POR: variants seen among roughly 807,000 people sequenced by gnomAD.
POR encodes NADPH--cytochrome P450 reductase.
In POR, 56 loss-of-function variants were observed where a neutral mutation model predicts 84.0. The ratio of observed to expected loss-of-function variants is 0.67; its 90% CI spans 0.54 to 0.83. POR has a LOEUF of 0.83. Ranked by LOEUF, POR falls within the 40% of genes least tolerant of loss-of-function variation. The pLI is 0.00. For missense variants in POR, 938 were observed against 944.3 expected (o/e 0.99, Z 0.09); for synonymous variants, 414 against 400.5 (o/e 1.03, Z -0.40).
At chr7:75,919,378 C>CGTGTGTGTGTGTGTGTGTGT (rs1458787395) in intron 1 of POR, among the ~76,000 whole-genome samples, 2 of 136,180 alleles carry the variant, frequency 1.5e-5, no homozygotes, top group African/African-American at 6.7e-5. Context: ...TGCATCTGTG[C>CGTGTGTGTGTGTGTGTGTGT]GTGCGTGTGT....
At chr7:75,927,641 G>A (rs1348786987) in intron 1 of POR, among the ~76,000 whole-genome samples, 1 of 151,206 alleles carries the variant, frequency 6.6e-6, no homozygotes, top group East Asian at 1.9e-4. Context: ...TTAAAATGAT[G>A]AATTTTATGG....
intron 1 of POR, among the ~76,000 whole-genome samples, chr7:75,917,261 G>A (rs1806615083): frequency 6.6e-6 from 1 of 151,792 alleles, no homozygotes; most frequent in Admixed American, 6.6e-5. Context: ...TAGAGATTTG[G>A]TTTGCCATGT....
intron 3 of POR, among the ~76,000 whole-genome samples, chr7:75,977,737 C>G (rs1453505528): frequency 6.6e-6 from 1 of 152,124 alleles, no homozygotes; most frequent in African/African-American, 2.4e-5. Context: ...GAGATCGTGC[C>G]ATTACACTCC....
intron 1 of POR, among the ~76,000 whole-genome samples, chr7:75,938,782 C>G (rs188268643): frequency 6.6e-6 from 1 of 152,162 alleles, no homozygotes; most frequent in Non-Finnish European, 1.5e-5. Context: ...ATCTCTTATT[C>G]GCCATCTATG....
intron 2 of POR, among the ~76,000 whole-genome samples, chr7:75,961,772 G>C (rs533223295): frequency 1.3e-3 from 191 of 152,306 alleles, no homozygotes; most frequent in Middle Eastern, 3.4e-3. Context: ...CCAGCACTTC[G>C]GGAGGCTGAG....
chr7:75,966,978 G>T (rs1440856123), intron 2 of POR, among the ~76,000 whole-genome samples: 1 of 151,994 alleles, frequency 6.6e-6, no homozygotes, highest in East Asian at 1.9e-4. Flanking sequence ...GGTTTTGTTT[G>T]TTTTTTCTTG....
At chr7:75,961,812 G>A (rs1246864085) in intron 2 of POR, among the ~76,000 whole-genome samples, 7 of 152,140 alleles carry the variant, frequency 4.6e-5, no homozygotes, top group African/African-American at 1.2e-4. Context: ...CCAAGTGTTC[G>A]AGATCAGCCT....
chr7:75,962,351 G>T (rs1052887981), intron 2 of POR, among the ~76,000 whole-genome samples: 1 of 151,978 alleles, frequency 6.6e-6, no homozygotes, highest in Admixed American at 6.6e-5. Context: ...TGGAGTGCAG[G>T]GGTGTGATCA....
chr7:75,983,271 G>A (rs964137394), intron 8 of POR: 1 of 424,140 alleles, frequency 2.4e-6, no homozygotes, highest in Non-Finnish European at 4.2e-6. Flanking sequence ...AACCTGGGAG[G>A]CAGAGGTTGC....
chr7:75,983,716 C>T (rs782650331), intron 9 of POR, 22 bp from the exon 10 acceptor site: 38 of 1,610,210 alleles, frequency 2.4e-5, no homozygotes, highest in South Asian at 8.8e-5. Flanking sequence ...CCGCCCCTCC[C>T]GAGCCTCACA....
At chr7:75,965,179 C>T (rs1788124963) in intron 2 of POR, among the ~76,000 whole-genome samples, 1 of 152,140 alleles carries the variant, frequency 6.6e-6, no homozygotes, top group Admixed American at 6.5e-5. Flanking sequence ...GGAAGATGGG[C>T]CAGGAGGCTG....
At chr7:75,964,854 G>A (rs782661064) in intron 2 of POR, among the ~76,000 whole-genome samples, 2 of 151,780 alleles carry the variant, frequency 1.3e-5, no homozygotes, top group Non-Finnish European at 1.5e-5. Flanking sequence ...GCAAGACATC[G>A]ACTCTACAAA....
At position 75,953,976 on chromosome 7, in the gene POR, T is replaced by G. The variant is rs1554553301; in HGVS notation, c.-4-13T>G. 1.3e-6 allele frequency: 2 copies of G among 1,559,974 alleles called. No individual in the cohort carries two copies. Among genetic ancestry groups the G allele is most frequent in the Non-Finnish European group, 1.7e-6 (2 of 1,149,362 alleles). On this transcript the variant is annotated splice_polypyrimidine_tract_variant and intron_variant, in intron 1 of 15. Coordinates refer to ENST00000461988, the MANE Select transcript of POR (RefSeq NM_000941.3). ...ACCCTCTGCTGACATCTGCTGTTTC[T>G]GTCTCCTAACAGTTTCATGATCAAC...
Position 75,983,574 on chromosome 7 carries a change from G to C in POR, c.885G>C (p.Leu295=), listed in dbSNP as rs1554558458. The C allele has an allele frequency of 1.2e-6, 2 of 1,613,136 alleles. No homozygotes were observed. Among genetic ancestry groups the C allele is most frequent in the South Asian group, 1.1e-5 (1 of 91,084 alleles). ...CTGCAGTCACCACCAACCGGAAGCTGAACCAGGGAACCGAGCGCCACCTCA... is the reference window on the plus strand; with the variant it reads ...CTGCAGTCACCACCAACCGGAAGCTCAACCAGGGAACCGAGCGCCACCTCA... The change falls in exon 9 of 16, where the codon CTG becomes CTC. Residue 295 remains leucine, a synonymous_variant. Coordinates refer to ENST00000461988, the MANE Select transcript of POR (RefSeq NM_000941.3).
At chr7:75,941,557 G>A (rs1807980830) in intron 1 of POR, among the ~76,000 whole-genome samples, 1 of 152,102 alleles carries the variant, frequency 6.6e-6, no homozygotes, top group African/African-American at 2.4e-5. Flanking sequence ...TCTAGAGTAG[G>A]CGCTAATAAC....
intron 3 of POR, 76 bp downstream of exon 3, chr7:75,972,537 G>A (rs1394397354): frequency 1.2e-5 from 16 of 1,380,486 alleles, no homozygotes; most frequent in Non-Finnish European, 1.5e-5. Flanking sequence ...CTAGCAGACG[G>A]CTGGCGTCAC....
intron 8 of POR, 30 bp from the exon 9 acceptor site, chr7:75,983,490 G>C (rs372585710): frequency 6.6e-7 from 1 of 1,520,526 alleles, no homozygotes; most frequent in Non-Finnish European, 9.1e-7. Context: ...AGCCCCGGCC[G>C]CTCACTGTGC....
intron 1 of POR, among the ~76,000 whole-genome samples, chr7:75,937,270 C>T (rs185819264): frequency 1.4e-5 from 2 of 143,496 alleles, no homozygotes; most frequent in Admixed American, 7.2e-5. Context: ...GCCTGGACAA[C>T]GTGGTGAAAC....
intron 2 of POR, among the ~76,000 whole-genome samples, chr7:75,966,674 T>C (rs528729907): frequency 6.6e-6 from 1 of 152,298 alleles, no homozygotes; most frequent in South Asian, 2.1e-4. Flanking sequence ...CCAACCGGAT[T>C]TGCAGTTTCC....
Sources: gnomAD v4.1 joint callset for allele counts (sites outside exome capture counted in the v4.1 genomes callset) on GRCh38, gnomAD v4.1.1 for gene constraint, MANE v1.5 for transcripts, NCBI Gene and HGNC (gene_info 2026-07-23, HGNC 2026-07-21) for gene names.